Variants in PDE4B observed in about 807,000 individuals in gnomAD.
PDE4B encodes the protein 3',5'-cyclic-AMP phosphodiesterase 4B.
A neutral mutation model predicts 82.2 loss-of-function variants in PDE4B; 20 were observed. The ratio of observed to expected loss-of-function variants is 0.24; its 90% CI spans 0.17 to 0.35. The LOEUF (loss-of-function observed/expected upper bound fraction) is 0.35. Among genes scored for constraint, PDE4B ranks in the 10% least tolerant of loss-of-function variants. PDE4B has a pLI of 1.00. For synonymous variants in PDE4B, 320 were observed against 318.9 expected (o/e 1.00, Z -0.04); for missense variants, 655 against 907.2 (o/e 0.72, Z 3.57).
At chr1:65,863,300 T>C (rs1646475466) in intron 1 of PDE4B, among the ~76,000 whole-genome samples, 1 of 152,220 alleles carries the variant, frequency 6.6e-6, no homozygotes, top group Non-Finnish European at 1.5e-5. Flanking sequence ...AGTTTCCATG[T>C]AGTTGTGCAG....
Position 65,825,000 on chromosome 1 carries a change from C to T in PDE4B, c.-71+31752C>T, listed in dbSNP as rs188216639. 2.6e-5 allele frequency among the ~76,000 whole-genome samples: 4 copies of T among 152,178 alleles called. No homozygotes were observed. In the East Asian group the frequency reaches 7.7e-4, roughly 29 times the overall value. The stretch of plus-strand genomic sequence containing the variant: ...TGTGGGTGTTTTCTTTCATGAAATC[C>T]CCCAGTACCATTTGGATCAGTAGCA... On this transcript the variant is annotated intron_variant, in intron 1 of 16. Coordinates refer to ENST00000341517, the MANE Select transcript of PDE4B (RefSeq NM_002600.4).
intron 1 of PDE4B, among the ~76,000 whole-genome samples, chr1:65,840,208 T>A (rs186379181): frequency 1.3e-5 from 2 of 151,982 alleles, no homozygotes; most frequent in Non-Finnish European, 2.9e-5. Context: ...TATAAAATGG[T>A]GAGAAGTATG....
chr1:65,913,262 C>A lies in PDE4B; in HGVS notation c.-53C>A. The A allele has an allele frequency of 6.5e-7, 1 of 1,535,880 alleles. No individual in the cohort carries two copies. ...TCCTGTAGGTATTAAAAAGTGTCAGCAAACTGCATTGAATAACAGACATCC... is the reference window on the plus strand; with the variant it reads ...TCCTGTAGGTATTAAAAAGTGTCAGAAAACTGCATTGAATAACAGACATCC... On this transcript the variant is annotated 5_prime_UTR_variant, in exon 2 of 17. Coordinates refer to ENST00000341517, the MANE Select transcript of PDE4B (RefSeq NM_002600.4).
intron 3 of PDE4B, among the ~76,000 whole-genome samples, chr1:66,110,074 T>G (rs1417156978): frequency 6.6e-6 from 1 of 151,558 alleles, no homozygotes; most frequent in Non-Finnish European, 1.5e-5. Context: ...TGCAGTGGAG[T>G]CAGGGTACCA....
chr1:66,275,903 G>A (rs1012091800), intron 7 of PDE4B, among the ~76,000 whole-genome samples: 1 of 152,118 alleles, frequency 6.6e-6, no homozygotes, highest in South Asian at 2.1e-4. Flanking sequence ...CACCAAAAGC[G>A]ACCCCTTGGA....
chr1:66,144,252 C>T (rs1646227577), intron 3 of PDE4B, among the ~76,000 whole-genome samples: 1 of 152,126 alleles, frequency 6.6e-6, no homozygotes, highest in Non-Finnish European at 1.5e-5. Context: ...AACAATTAAA[C>T]AAATATTTAT....
chr1:66,220,613 A>G (rs1374235452), intron 3 of PDE4B, among the ~76,000 whole-genome samples: 4 of 152,134 alleles, frequency 2.6e-5, no homozygotes, highest in African/African-American at 7.2e-5. Context: ...TTGCTAATTT[A>G]TCTTTTTATC....
intron 3 of PDE4B, among the ~76,000 whole-genome samples, chr1:66,185,611 A>G (rs59201446): frequency 2.6e-5 from 4 of 152,020 alleles, no homozygotes; most frequent in Non-Finnish European, 5.9e-5. Context: ...GCATTTTTTC[A>G]TGTGTTTTTT....
chr1:66,019,356 C>CTTTTTT (rs4071540), intron 3 of PDE4B, among the ~76,000 whole-genome samples: 2 of 124,772 alleles, frequency 1.6e-5, no homozygotes, highest in Non-Finnish European at 3.2e-5. Context: ...TATTGTTATT[C>CTTTTTT]TTTTTTTTTT....
intron 3 of PDE4B, among the ~76,000 whole-genome samples, chr1:66,040,165 G>A (rs1290780626): frequency 6.6e-6 from 1 of 152,030 alleles, no homozygotes; most frequent in African/African-American, 2.4e-5. Flanking sequence ...GACGACTATT[G>A]TATTGGCAGA....
At chr1:65,952,244 C>T (rs938810592) in intron 3 of PDE4B, among the ~76,000 whole-genome samples, 10 of 151,982 alleles carry the variant, frequency 6.6e-5, no homozygotes, top group African/African-American at 1.9e-4. Context: ...TTGATACCAC[C>T]CCATTAGCTT....
At chr1:66,241,544 TTG>T in intron 3 of PDE4B, among the ~76,000 whole-genome samples, 1 of 152,314 alleles carries the variant, frequency 6.6e-6, no homozygotes, top group East Asian at 1.9e-4. Flanking sequence ...TCTCACTCTG[TTG>T]CTCAGCTGGG....
chr1:66,046,552 A>G (rs1239362245), intron 3 of PDE4B, among the ~76,000 whole-genome samples: 1 of 151,876 alleles, frequency 6.6e-6, no homozygotes, highest in East Asian at 1.9e-4. Context: ...AGTGAGCAAG[A>G]TACATCCCAG....
rs139915718 is a variant in PDE4B, at chr1:66,155,521, T to A, written c.282-91939T>A. 4.4e-3 allele frequency among the ~76,000 whole-genome samples: 668 copies of A among 152,214 alleles called. 3 individuals carry two copies. The highest frequency in any genetic ancestry group is 0.01 in the Middle Eastern group (3 of 292). ...TTAGCAAGGTCAATCAATAAATTGG[T>A]TCATTTGCCCTAACATAATCTAGAG... On this transcript the variant is annotated intron_variant, in intron 3 of 16. Transcript: ENST00000341517.
chr1:65,869,811 TA>T (rs1392429449), intron 1 of PDE4B, among the ~76,000 whole-genome samples: 65 of 132,892 alleles, frequency 4.9e-4, no homozygotes, highest in Middle Eastern at 3.8e-3. Flanking sequence ...TTTTTTTTTT[TA>T]AATGGCACTT....
chr1:66,136,251 C>CTAGT (rs1326327265), intron 3 of PDE4B, among the ~76,000 whole-genome samples: 5 of 152,174 alleles, frequency 3.3e-5, no homozygotes, highest in Admixed American at 6.5e-5. Context: ...GAAACATGGA[C>CTAGT]TAGTTGATAT....
intron 3 of PDE4B, among the ~76,000 whole-genome samples, chr1:65,982,982 A>G (rs1346930693): frequency 6.6e-6 from 1 of 152,188 alleles, no homozygotes; most frequent in African/African-American, 2.4e-5. Context: ...TCTGGCCACT[A>G]ATGCTCAGGT....
intron 3 of PDE4B, among the ~76,000 whole-genome samples, chr1:66,036,898 G>A (rs186893945): frequency 2.5e-3 from 375 of 152,136 alleles, no homozygotes; most frequent in Non-Finnish European, 4.0e-3. Context: ...ACTTTGGGGG[G>A]CCAACACAGG....
chr1:65,815,593 ATT>A (rs1328505720), intron 1 of PDE4B, among the ~76,000 whole-genome samples: 2 of 152,188 alleles, frequency 1.3e-5, no homozygotes, highest in Non-Finnish European at 2.9e-5. Context: ...ATTTAAAATG[ATT>A]TGAAAATAAA....
Sources: gnomAD v4.1 joint callset for allele counts (sites outside exome capture counted in the v4.1 genomes callset) on GRCh38, gnomAD v4.1.1 for gene constraint, MANE v1.5 for transcripts, NCBI Gene and HGNC (gene_info 2026-07-23, HGNC 2026-07-21) for gene names.